The following THRB variants were observed in gnomAD, a reference collection of about 807,000 sequenced individuals.
The protein encoded by THRB is nuclear receptor subfamily 1 group A member 2.
In THRB, 12 loss-of-function variants were observed where a neutral mutation model predicts 47.8. The ratio of observed to expected loss-of-function variants is 0.25; its 90% CI spans 0.16 to 0.41. The LOEUF (loss-of-function observed/expected upper bound fraction) is 0.41. Ranked by LOEUF, THRB falls within the 10% of genes least tolerant of loss-of-function variation. The pLI is 1.00. For missense variants in THRB, 348 were observed against 589.2 expected (o/e 0.59, Z 4.24); for synonymous variants, 218 against 212.2 (o/e 1.03, Z -0.24).
intron 3 of THRB, among the ~76,000 whole-genome samples, chr3:24,262,065 C>G (rs560369966): frequency 6.6e-6 from 1 of 152,318 alleles, no homozygotes; most frequent in African/African-American, 2.4e-5. Flanking sequence ...TCTCCTTGAA[C>G]TCTAGACTTG....
intron 1 of THRB, among the ~76,000 whole-genome samples, chr3:24,389,299 G>A (rs780385882): frequency 3.8e-4 from 58 of 152,194 alleles, no homozygotes; most frequent in African/African-American, 7.9e-4. Flanking sequence ...CTGTGCTGCC[G>A]GTGTGTAGGT....
chr3:24,275,628 G>A (rs188047569), intron 3 of THRB, among the ~76,000 whole-genome samples: 1 of 152,194 alleles, frequency 6.6e-6, no homozygotes, highest in Admixed American at 6.5e-5. Flanking sequence ...ATTCCAACAT[G>A]AGCGAGATGA....
chr3:24,300,215 A>G (rs961222453), intron 2 of THRB, among the ~76,000 whole-genome samples: 1 of 152,146 alleles, frequency 6.6e-6, no homozygotes, highest in African/African-American at 2.4e-5. Context: ...CAGTTACACC[A>G]GGAATTAAGG....
intron 4 of THRB, among the ~76,000 whole-genome samples, chr3:24,207,165 T>C (rs1321715380): frequency 2.6e-5 from 4 of 152,200 alleles, no homozygotes; most frequent in Admixed American, 6.5e-5. Context: ...ATCATCCTGA[T>C]ACCAAAGCCT....
At chr3:24,467,480 G>A (rs943453981) in intron 1 of THRB, among the ~76,000 whole-genome samples, 5 of 152,134 alleles carry the variant, frequency 3.3e-5, no homozygotes, top group South Asian at 4.1e-4. Context: ...TATCTATGCA[G>A]CTATAGCCTT....
chr3:24,192,810 T>A (rs1414198260), intron 4 of THRB, among the ~76,000 whole-genome samples: 1 of 152,198 alleles, frequency 6.6e-6, no homozygotes, highest in Non-Finnish European at 1.5e-5. Flanking sequence ...AAGGGCTTCA[T>A]TCATGGGAGG....
chr3:24,244,452 G>A (rs544978584), intron 3 of THRB, among the ~76,000 whole-genome samples: 82 of 152,200 alleles, frequency 5.4e-4, no homozygotes, highest in African/African-American at 1.9e-3. Context: ...TCTATTTATT[G>A]GTAAAGAAAT....
chr3:24,230,433 A>G (rs1576133204), intron 3 of THRB, among the ~76,000 whole-genome samples: 4 of 152,224 alleles, frequency 2.6e-5, no homozygotes, highest in Non-Finnish European at 5.9e-5. Flanking sequence ...GTAAGCTGCC[A>G]AATTGGCACC....
upstream of THRB, chr3:24,494,911 G>C (rs1271693405): frequency 6.6e-6 from 1 of 152,264 alleles, no homozygotes; most frequent in Non-Finnish European, 1.5e-5. Context: ...CCGGCGGCGG[G>C]GTCCCGGGGA....
At chr3:24,233,567 G>GA (rs71057659) in intron 3 of THRB, among the ~76,000 whole-genome samples, 60,277 of 134,956 alleles carry the variant, frequency 0.45, 13,966 homozygotes, top group South Asian at 0.58. Context: ...AAGGAAGAAA[G>GA]AAAGAAAGAA....
At chr3:24,368,650 G>T (rs568056157) in intron 1 of THRB, among the ~76,000 whole-genome samples, 4 of 152,106 alleles carry the variant, frequency 2.6e-5, no homozygotes, top group African/African-American at 4.8e-5. Context: ...CTCTAAGTAC[G>T]TGTGTCCTTT....
intron 5 of THRB, among the ~76,000 whole-genome samples, chr3:24,169,537 C>T (rs1020293384): frequency 1.3e-5 from 2 of 151,858 alleles, no homozygotes; most frequent in African/African-American, 4.8e-5. Context: ...ATTTAGGTCA[C>T]AGTTTTCTTA....
chr3:24,203,854 A>G (rs1300950190), intron 4 of THRB, among the ~76,000 whole-genome samples: 1 of 152,196 alleles, frequency 6.6e-6, no homozygotes, highest in Non-Finnish European at 1.5e-5. Context: ...ACACCAGGAG[A>G]TTATATCCCA....
intron 1 of THRB, among the ~76,000 whole-genome samples, chr3:24,471,162 GTTC>G (rs2074539816): frequency 6.6e-6 from 1 of 152,162 alleles, no homozygotes; most frequent in African/African-American, 2.4e-5. Flanking sequence ...GAGTAGAATT[GTTC>G]TTCTAATGCA....
At chr3:24,440,930 C>A (rs952499410) in intron 1 of THRB, among the ~76,000 whole-genome samples, 1 of 152,198 alleles carries the variant, frequency 6.6e-6, no homozygotes, top group Non-Finnish European at 1.5e-5. Context: ...TTCCATGGGT[C>A]AGGAGTCCAG....
intron 3 of THRB, among the ~76,000 whole-genome samples, chr3:24,263,747 T>C (rs1270219064): frequency 6.6e-6 from 1 of 152,038 alleles, no homozygotes; most frequent in South Asian, 2.1e-4. Flanking sequence ...TACTAGTACA[T>C]AGCTTATTTT....
At chr3:24,448,787 C>A (rs1294838334) in intron 1 of THRB, among the ~76,000 whole-genome samples, 1 of 152,130 alleles carries the variant, frequency 6.6e-6, no homozygotes, top group African/African-American at 2.4e-5. Flanking sequence ...AATATTTAAA[C>A]AGAGAAATGC....
chr3:24,176,310 C>G (rs542367404), intron 5 of THRB, among the ~76,000 whole-genome samples: 2 of 152,038 alleles, frequency 1.3e-5, no homozygotes, highest in African/African-American at 4.8e-5. Context: ...TCACAATGAT[C>G]GACTTGATGT....
At chr3:24,401,566 T>G (rs1197447925) in intron 1 of THRB, among the ~76,000 whole-genome samples, 1 of 152,082 alleles carries the variant, frequency 6.6e-6, no homozygotes, top group Non-Finnish European at 1.5e-5. Flanking sequence ...TTACTGCTAC[T>G]GCTTCCACGT....
Sources: allele counts gnomAD v4.1 joint callset (sites outside exome capture counted in the v4.1 genomes callset), GRCh38; gene constraint gnomAD v4.1.1; transcripts MANE v1.5; gene names NCBI Gene and HGNC (gene_info 2026-07-23, HGNC 2026-07-21).